The following POLR3B variants were observed in gnomAD, a reference collection of about 807,000 sequenced individuals.
The protein encoded by POLR3B is RNA polymerase III subunit B.
POLR3B carries 96 observed loss-of-function variants against 147.4 expected under a neutral mutation model. The observed-to-expected ratio is 0.65, with a 90% CI of 0.55 to 0.77. The LOEUF is 0.77. Among genes scored for constraint, POLR3B ranks in the 30% least tolerant of loss-of-function variants. The pLI is 0.00. For missense variants in POLR3B, 1,036 were observed against 1,413.5 expected (o/e 0.73, Z 4.28); for synonymous variants, 461 against 485.9 (o/e 0.95, Z 0.67).
At chr12:106,490,032 CGT>C (rs887338385) in intron 23 of POLR3B, among the ~76,000 whole-genome samples, 6 of 152,162 alleles carry the variant, frequency 3.9e-5, no homozygotes, top group African/African-American at 1.4e-4. Context: ...AGGGTTTCTT[CGT>C]CCACACAGAT....
At chr12:106,474,605 T>C (rs895263079) in intron 23 of POLR3B, among the ~76,000 whole-genome samples, 2 of 148,532 alleles carry the variant, frequency 1.3e-5, no homozygotes, top group African/African-American at 5.0e-5. Context: ...AGAGTGTAGG[T>C]GTCGAGGAAT....
At chr12:106,436,918 A>G in intron 16 of POLR3B, 139 bp from the exon 17 acceptor site, 1 of 719,592 alleles carries the variant, frequency 1.4e-6, no homozygotes, top group Non-Finnish European at 2.5e-6. Context: ...TCCATACAAA[A>G]ATTACCTGGT....
intron 10 of POLR3B, among the ~76,000 whole-genome samples, chr12:106,403,979 A>G (rs1457440534): frequency 6.6e-6 from 1 of 152,146 alleles, no homozygotes; most frequent in Middle Eastern, 3.2e-3. Context: ...AAATTTTAAA[A>G]AAAAGAATTG....
At chr12:106,360,015 C>G (rs1424359886) in intron 1 of POLR3B, among the ~76,000 whole-genome samples, 2 of 152,212 alleles carry the variant, frequency 1.3e-5, no homozygotes, top group Non-Finnish European at 2.9e-5. Flanking sequence ...AACAGTTCCT[C>G]TTCCTGCACT....
At chr12:106,468,808 A>G (rs536675067) in intron 23 of POLR3B, among the ~76,000 whole-genome samples, 1 of 152,228 alleles carries the variant, frequency 6.6e-6, no homozygotes, top group South Asian at 2.1e-4. Context: ...TCTGAGAGAC[A>G]GTTTGTTGTG....
At chr12:106,480,906 A>G (rs754471175) in intron 23 of POLR3B, among the ~76,000 whole-genome samples, 1 of 151,986 alleles carries the variant, frequency 6.6e-6, no homozygotes, top group South Asian at 2.1e-4. Context: ...GATGGGAAGC[A>G]TGTGAGGGGA....
chr12:106,373,008 T>TAC lies in POLR3B; in HGVS notation c.404+3326_404+3327insCA, dbSNP rs571045042. On this transcript the variant is annotated intron_variant, in intron 6 of 27. Transcript: ENST00000228347. ...CTTTATGTCAATTTTTGGAACTTTG[T>TAC]AGAGACCTGTTTCTATAAATGTTTC... Among the ~76,000 whole-genome samples the TAC allele has an allele frequency of 2.2e-4, 34 of 152,364 alleles. No homozygotes were observed. In the South Asian group the frequency reaches 6.0e-3, roughly 27 times the overall value.
chr12:106,442,089 A>AAAAG (rs1229496068), intron 18 of POLR3B, among the ~76,000 whole-genome samples: 4 of 143,860 alleles, frequency 2.8e-5, no homozygotes, highest in Non-Finnish European at 3.0e-5. Flanking sequence ...TCAAAAAAAA[A>AAAAG]AAAGAAAGAA....
chr12:106,433,075 T>A (rs1008010364), intron 15 of POLR3B, among the ~76,000 whole-genome samples: 6 of 152,192 alleles, frequency 3.9e-5, no homozygotes, highest in African/African-American at 1.4e-4. Flanking sequence ...CACTTGTCTG[T>A]TCTCTCTTCC....
At chr12:106,360,492 C>T (rs925227445) in intron 1 of POLR3B, among the ~76,000 whole-genome samples, 2 of 152,212 alleles carry the variant, frequency 1.3e-5, no homozygotes, top group Non-Finnish European at 2.9e-5. Context: ...TCCTGATTCT[C>T]CCAGAAGATG....
At chr12:106,455,732 T>C (rs2037856845) in intron 20 of POLR3B, among the ~76,000 whole-genome samples, 1 of 152,220 alleles carries the variant, frequency 6.6e-6, no homozygotes, top group Admixed American at 6.5e-5. Context: ...TTCAAGATCA[T>C]GTAATGTTTC....
In POLR3B at chr12:106,405,539, TACACACACACACAC is replaced by T. The variant is rs71072675; in HGVS notation, c.847-290_847-277del. Reference sequence around the variant, plus strand: ...GAAGGACTGATGGCTGCTATATGTCTACACACACACACACACACACACACACACACACACACACA... The same window carrying T: ...GAAGGACTGATGGCTGCTATATGTCTACACACACACACACACACACACACA... On this transcript the variant is annotated intron_variant, in intron 10 of 27. Coordinates refer to ENST00000228347, the MANE Select transcript of POLR3B (RefSeq NM_018082.6). Among the ~76,000 whole-genome samples the T allele has an allele frequency of 2.4e-3, 336 of 142,700 alleles. 1 individual carries two copies. Among genetic ancestry groups the T allele is most frequent in the African/African-American group, 7.7e-3 (302 of 39,152 alleles). The allele number at this position is 142,700 out of a possible 152,430, so 93.6% of individuals were successfully genotyped here.
At chr12:106,505,469 G>A (rs549042631) in intron 27 of POLR3B, among the ~76,000 whole-genome samples, 1 of 152,034 alleles carries the variant, frequency 6.6e-6, no homozygotes, top group South Asian at 2.1e-4. Context: ...TGTATGTTTT[G>A]TAGAGACAGG....
intron 12 of POLR3B, among the ~76,000 whole-genome samples, chr12:106,422,288 C>T (rs1309977679): frequency 6.6e-6 from 1 of 152,164 alleles, no homozygotes; most frequent in Non-Finnish European, 1.5e-5. Context: ...TCTCCCTCTT[C>T]TTCCTGCTCT....
At chr12:106,488,138 C>T (rs1248369794) in intron 23 of POLR3B, among the ~76,000 whole-genome samples, 2 of 152,206 alleles carry the variant, frequency 1.3e-5, no homozygotes, top group Non-Finnish European at 2.9e-5. Context: ...GCAGGATTCA[C>T]TCACAGTGTA....
At chr12:106,422,132 T>G (rs2037381264) in intron 12 of POLR3B, among the ~76,000 whole-genome samples, 1 of 152,338 alleles carries the variant, frequency 6.6e-6, no homozygotes, top group Admixed American at 6.5e-5. Flanking sequence ...TGACATGTAA[T>G]CCCCGATGCT....
chr12:106,398,546 C>T (rs1169974184), intron 10 of POLR3B, among the ~76,000 whole-genome samples: 1 of 152,198 alleles, frequency 6.6e-6, no homozygotes, highest in Non-Finnish European at 1.5e-5. Flanking sequence ...TCAAGTGGTT[C>T]CCTGACCCCC....
chr12:106,446,149 T>TATGAC (rs2037719840), intron 19 of POLR3B: 2 of 442,928 alleles, frequency 4.5e-6, no homozygotes, highest in African/African-American at 4.0e-5. Flanking sequence ...GAACCCTGTG[T>TATGAC]GTCATGAAAG....
intron 21 of POLR3B, 106 bp from the exon 22 acceptor site, chr12:106,459,145 T>C: frequency 1.3e-6 from 1 of 752,000 alleles, no homozygotes; most frequent in South Asian, 1.4e-5. Context: ...TACCGCAGCC[T>C]CCTGAGTTGT....
Sources: allele counts gnomAD v4.1 joint callset (sites outside exome capture counted in the v4.1 genomes callset), GRCh38; gene constraint gnomAD v4.1.1; transcripts MANE v1.5; gene names NCBI Gene and HGNC (gene_info 2026-07-23, HGNC 2026-07-21).